AHI1: variants seen among roughly 807,000 people sequenced by gnomAD.
The protein encoded by AHI1 is jouberin.
AHI1 carries 123 observed loss-of-function variants against 149.3 expected under a neutral mutation model. That is an observed-to-expected ratio of 0.82 (90% CI 0.71 to 0.96). The LOEUF is 0.96. Ranked by LOEUF, AHI1 falls within the 40% of genes least tolerant of loss-of-function variation. The pLI is 0.00. For missense variants in AHI1, 1,439 were observed against 1,422.7 expected (o/e 1.01, Z -0.18); for synonymous variants, 475 against 459.8 (o/e 1.03, Z -0.42).
intron 5 of AHI1, among the ~76,000 whole-genome samples, chr6:135,475,297 TC>T (rs1326902076): frequency 6.6e-6 from 1 of 152,222 alleles, no homozygotes; most frequent in Middle Eastern, 3.2e-3. Flanking sequence ...TTTCCTTGTT[TC>T]CCAATCAGCC....
chr6:135,364,152 G>A (rs1375226627), intron 23 of AHI1, among the ~76,000 whole-genome samples: 22 of 151,406 alleles, frequency 1.5e-4, no homozygotes, highest in Admixed American at 1.1e-3. Context: ...GCTGCTGGGC[G>A]GAGGGGCTCC....
In AHI1 at chr6:135,399,746, C is replaced by T. The variant is rs374653952; in HGVS notation, c.2989-4850G>A. ...TAACCTTTGCCCCACTGTTTACTTT[C>T]TTAGGGAAAGCCATCATTCTCCACC... On this transcript the variant is annotated intron_variant, in intron 22 of 28. Coordinates refer to ENST00000265602, the MANE Select transcript of AHI1 (RefSeq NM_001134831.2). 2.0e-3 allele frequency among the ~76,000 whole-genome samples: 302 copies of T among 151,602 alleles called. 4 individuals are homozygous for T. Among genetic ancestry groups the T allele is most frequent in the African/African-American group, 6.7e-3 (277 of 41,332 alleles).
chr6:135,420,150 T>A (rs1186092724), intron 20 of AHI1, among the ~76,000 whole-genome samples: 1 of 152,132 alleles, frequency 6.6e-6, no homozygotes, highest in African/African-American at 2.4e-5. Context: ...CTCAGAGTCA[T>A]CCATGGGGGT....
chr6:135,484,236 G>A (rs527706676), intron 5 of AHI1, among the ~76,000 whole-genome samples: 10 of 152,236 alleles, frequency 6.6e-5, no homozygotes, highest in African/African-American at 2.2e-4. Flanking sequence ...CATGACACAC[G>A]GGAATTTTGG....
chr6:135,331,890 T>C (rs144036814), intron 24 of AHI1, among the ~76,000 whole-genome samples: 36 of 152,256 alleles, frequency 2.4e-4, no homozygotes, highest in African/African-American at 8.2e-4. Flanking sequence ...TCCAGAACTG[T>C]GAATGAATAA....
In AHI1 at chr6:135,497,703, C is replaced by A. The variant is rs2128143566; in HGVS notation, c.-322G>T. On this transcript the variant is annotated 5_prime_UTR_variant, in exon 1 of 29. Transcript: ENST00000265602. ...GGCGGCCACGCAGCCACCTAACCCG[C>A]CAGCGACCCGTGTCCTGAAAGCAAG... 5.9e-6 allele frequency: 1 copy of A among 169,210 alleles called. No individual in the cohort carries two copies. Among genetic ancestry groups the A allele is most frequent in the African/African-American group, 2.4e-5 (1 of 41,670 alleles). 10.5% of individuals were successfully genotyped at this position (169,210 alleles called of 1,614,324 possible).
In AHI1 at chr6:135,473,124, G is replaced by T. The variant is rs9494248; in HGVS notation, c.136-5490C>A. On this transcript the variant is annotated intron_variant, in intron 5 of 28. Transcript: ENST00000265602. ...TAAATATGTCTTTGATCCACTTCTA[G>T]TTAATTTTTAAACATGACATGATCC... Among the ~76,000 whole-genome samples, 1,485 of 152,112 alleles carry T rather than the reference G, an allele frequency of 9.8e-3. 28 individuals are homozygous for T. Among genetic ancestry groups the T allele is most frequent in the African/African-American group, 0.034 (1,391 of 41,518 alleles).
chr6:135,454,714 CCTT>C (rs1583311487), intron 10 of AHI1, among the ~76,000 whole-genome samples: 1 of 152,278 alleles, frequency 6.6e-6, no homozygotes, highest in East Asian at 1.9e-4. Flanking sequence ...AACAATCTAT[CCTT>C]CTTCATCTCT....
At chr6:135,465,535 GC>G (rs1366328276) in intron 7 of AHI1, among the ~76,000 whole-genome samples, 1 of 152,184 alleles carries the variant, frequency 6.6e-6, no homozygotes, top group Non-Finnish European at 1.5e-5. Context: ...ATCTGGCTCA[GC>G]CTCTTACTAG....
chr6:135,466,180 T>C lies in AHI1; in HGVS notation c.383A>G (p.Lys128Arg), dbSNP rs1790724389. 6.2e-7 allele frequency: 1 copy of C among 1,613,850 alleles called. No homozygotes were observed. Among genetic ancestry groups the C allele is most frequent in the Non-Finnish European group, 8.5e-7 (1 of 1,179,872 alleles). Residue 128 changes from lysine (K) to arginine (R), a missense_variant, in exon 7 of 29, where the codon AAG becomes AGG. By Grantham distance (26) the Lys-to-Arg change is conservative. Transcript: ENST00000265602. ...EEDKQGKPNK[K>R]VIKTVPQLTT... ...CAACTGGGGCACCGTCTTTATCACC[T>C]TTTTATTTGGCTTTCCTTGTTTGTC...
rs974646349 is a variant in AHI1 at position 135,354,685 on chromosome 6, C to T, written c.3165+3447G>A. On this transcript the variant is annotated intron_variant, in intron 24 of 28. Coordinates refer to ENST00000265602, the MANE Select transcript of AHI1 (RefSeq NM_001134831.2). ...GATATTATCCTTAACTTACTATAGGCGATAAGCAAGTGCAGAGGGACTAAT... is the reference window on the plus strand; with the variant it reads ...GATATTATCCTTAACTTACTATAGGTGATAAGCAAGTGCAGAGGGACTAAT... Among the ~76,000 whole-genome samples the T allele has an allele frequency of 4.6e-5, 7 of 152,200 alleles. No homozygotes were observed. The South Asian group carries it at 8.3e-4, about 18-fold the overall frequency.
chr6:135,405,215 G>C (rs1046103293), intron 21 of AHI1, among the ~76,000 whole-genome samples: 6 of 152,072 alleles, frequency 3.9e-5, no homozygotes, highest in Non-Finnish European at 7.3e-5. Flanking sequence ...GGGCTCACAG[G>C]TTATCTGCCT....
intron 28 of AHI1, among the ~76,000 whole-genome samples, chr6:135,286,151 A>G (rs1781657091): frequency 6.6e-6 from 1 of 152,248 alleles, no homozygotes; most frequent in African/African-American, 2.4e-5. Context: ...TTTTCAAATC[A>G]ATTAAAAAAT....
chr6:135,497,411 T>G (rs966742556), intron 1 of AHI1, among the ~76,000 whole-genome samples, 162 bp from the exon 2 acceptor site: 10 of 152,150 alleles, frequency 6.6e-5, no homozygotes, highest in African/African-American at 2.4e-4. Flanking sequence ...CGGTGAGGAC[T>G]CTCAGAAATC....
chr6:135,293,476 CTT>C (rs1312390497), intron 27 of AHI1, among the ~76,000 whole-genome samples: 2 of 146,796 alleles, frequency 1.4e-5, no homozygotes, highest in Non-Finnish European at 3.0e-5. Context: ...AGAAAACTGT[CTT>C]TTATTTGCAC....
chr6:135,374,403 C>T (rs931150513), intron 23 of AHI1, among the ~76,000 whole-genome samples: 3 of 151,906 alleles, frequency 2.0e-5, no homozygotes, highest in Non-Finnish European at 4.4e-5. Context: ...TGAGCCACCG[C>T]GCTCGGCCCT....
intron 24 of AHI1, among the ~76,000 whole-genome samples, chr6:135,338,637 C>G (rs1789792663): frequency 6.6e-6 from 1 of 152,166 alleles, no homozygotes; most frequent in Admixed American, 6.5e-5. Flanking sequence ...TAAAGGCTTG[C>G]AATAATCTCA....
At chr6:135,350,529 A>G (rs140607836) in intron 24 of AHI1, among the ~76,000 whole-genome samples, 75 of 152,330 alleles carry the variant, frequency 4.9e-4, no homozygotes, top group African/African-American at 1.7e-3. Context: ...GACATAGTCC[A>G]TGCTGTTATG....
intron 11 of AHI1, among the ~76,000 whole-genome samples, chr6:135,452,091 G>A (rs146624457): frequency 1.8e-4 from 27 of 152,236 alleles, no homozygotes; most frequent in African/African-American, 6.3e-4. Flanking sequence ...GATTTTAACA[G>A]CATCTGTTCT....
Sources: gnomAD v4.1 joint callset for allele counts (sites outside exome capture counted in the v4.1 genomes callset) on GRCh38, gnomAD v4.1.1 for gene constraint, MANE v1.5 for transcripts, NCBI Gene and HGNC (gene_info 2026-07-23, HGNC 2026-07-21) for gene names.